The following CNTNAP2 variants were observed in gnomAD, a reference collection of about 807,000 sequenced individuals.
CNTNAP2 encodes contactin-associated protein-like 2.
In CNTNAP2, 98 loss-of-function variants were observed where a neutral mutation model predicts 155.2. The observed-to-expected ratio is 0.63, with a 90% CI of 0.54 to 0.75. The LOEUF is 0.75. CNTNAP2 is among the 30% of genes least tolerant of loss of function. The pLI is 0.00. For missense variants in CNTNAP2, 1,727 were observed against 1,688.1 expected, an observed-to-expected ratio of 1.02 and a Z score of -0.40; for synonymous variants, 651 against 631.2, an observed-to-expected ratio of 1.03 and a Z score of -0.47.
intron 1 of CNTNAP2, among the ~76,000 whole-genome samples, chr7:146,134,885 G>T (rs1315795179): frequency 6.6e-6 from 1 of 151,334 alleles, no homozygotes; most frequent in African/African-American, 2.4e-5. Flanking sequence ...TTTTTGTTGT[G>T]TCTCTGCCTG....
intron 14 of CNTNAP2, among the ~76,000 whole-genome samples, chr7:147,917,191 T>G (rs1800176109): frequency 6.6e-6 from 1 of 152,242 alleles, no homozygotes. Context: ...AAACTATTAC[T>G]TATCATTAGG....
chr7:148,380,786 A>C (rs1799039866), intron 21 of CNTNAP2, among the ~76,000 whole-genome samples: 1 of 152,324 alleles, frequency 6.6e-6, no homozygotes, highest in Non-Finnish European at 1.5e-5. Context: ...ATAAGTACTA[A>C]GCACAGTGCC....
chr7:146,228,325 A>G (rs918828099), intron 1 of CNTNAP2, among the ~76,000 whole-genome samples: 2 of 152,194 alleles, frequency 1.3e-5, no homozygotes, highest in African/African-American at 4.8e-5. Flanking sequence ...GAAACTCTCA[A>G]CAGCATAACT....
At chr7:147,746,528 C>A (rs61089905) in intron 13 of CNTNAP2, among the ~76,000 whole-genome samples, 9,269 of 152,062 alleles carry the variant, frequency 0.061, 902 homozygotes, top group African/African-American at 0.21. Flanking sequence ...CTCCCTTCTA[C>A]CCCATCACGA....
chr7:146,875,861 C>A (rs1039422425), intron 3 of CNTNAP2, among the ~76,000 whole-genome samples: 1 of 125,486 alleles, frequency 8.0e-6, no homozygotes, highest in Admixed American at 1.0e-4. Context: ...GCCTAGACAA[C>A]ATAGGGAGAC....
At chr7:147,989,318 G>A (rs1377085492) in intron 15 of CNTNAP2, among the ~76,000 whole-genome samples, 2 of 152,134 alleles carry the variant, frequency 1.3e-5, no homozygotes, top group African/African-American at 2.4e-5. Flanking sequence ...CACTAACCAT[G>A]TGCCTTTGGA....
At chr7:147,914,969 G>A (rs1017035130) in intron 14 of CNTNAP2, among the ~76,000 whole-genome samples, 1 of 152,142 alleles carries the variant, frequency 6.6e-6, no homozygotes, top group African/African-American at 2.4e-5. Context: ...CTTTATGGAG[G>A]ACCTGGCTTG....
chr7:148,295,136 T>C (rs571212733), intron 21 of CNTNAP2, among the ~76,000 whole-genome samples: 95 of 152,320 alleles, frequency 6.2e-4, no homozygotes, highest in Non-Finnish European at 1.2e-3. Context: ...ACTATAATTA[T>C]ATGTATGTAT....
intron 15 of CNTNAP2, among the ~76,000 whole-genome samples, chr7:147,981,180 A>G (rs980125857): frequency 2.0e-5 from 3 of 152,210 alleles, no homozygotes; most frequent in Non-Finnish European, 4.4e-5. Flanking sequence ...GCTTCAGGAC[A>G]AAAGATGGAA....
At chr7:147,164,614 C>T (rs192492403) in intron 8 of CNTNAP2, among the ~76,000 whole-genome samples, 33 of 152,080 alleles carry the variant, frequency 2.2e-4, no homozygotes, top group Middle Eastern at 3.4e-3. Flanking sequence ...GAATTGTAAG[C>T]GAAATTTAAG....
intron 14 of CNTNAP2, among the ~76,000 whole-genome samples, chr7:147,953,068 A>G (rs1016102309): frequency 2.0e-5 from 3 of 152,230 alleles, no homozygotes; most frequent in African/African-American, 7.2e-5. Context: ...ATTGTTTTCA[A>G]GATGAATGGT....
intron 21 of CNTNAP2, among the ~76,000 whole-genome samples, chr7:148,330,455 G>GGGATGGAGTGGAT (rs1797970316): frequency 7.3e-6 from 1 of 137,098 alleles, no homozygotes; most frequent in Non-Finnish European, 1.6e-5. Flanking sequence ...GTGGAGCAGA[G>GGGATGGAGTGGAT]GGATGGAGTG....
At chr7:146,700,248 TG>T (rs894720111) in intron 1 of CNTNAP2, among the ~76,000 whole-genome samples, 2 of 152,122 alleles carry the variant, frequency 1.3e-5, no homozygotes, top group African/African-American at 4.8e-5. Context: ...TGGTGTGCTG[TG>T]ACTCATTCTG....
Position 146,594,891 on chromosome 7 carries a change from T to C in CNTNAP2, c.98-179380T>C, listed in dbSNP as rs777170770. Among the ~76,000 whole-genome samples, 113 of 152,058 alleles carry C rather than the reference T, an allele frequency of 7.4e-4. 1 individual carries two copies. Among genetic ancestry groups the C allele is most frequent in the Non-Finnish European group, 2.8e-4 (19 of 67,974 alleles). ...ATATAAATACACCCACCATGACAGATGCCTAATTACCAACATGACAACGCT... is the reference window on the plus strand; with the variant it reads ...ATATAAATACACCCACCATGACAGACGCCTAATTACCAACATGACAACGCT... On this transcript the variant is annotated intron_variant, in intron 1 of 23. Transcript: ENST00000361727.
chr7:148,092,463 G>T (rs1803863569), intron 15 of CNTNAP2, among the ~76,000 whole-genome samples: 1 of 152,144 alleles, frequency 6.6e-6, no homozygotes, highest in Non-Finnish European at 1.5e-5. Context: ...AATGGAAGCA[G>T]GTGCCCCATT....
At chr7:146,349,873 C>G (rs1563050125) in intron 1 of CNTNAP2, among the ~76,000 whole-genome samples, 1 of 152,002 alleles carries the variant, frequency 6.6e-6, no homozygotes, top group African/African-American at 2.4e-5. Flanking sequence ...TGCAGGTAAC[C>G]CGACCTTTCT....
chr7:148,223,926 C>T (rs1362699237), intron 19 of CNTNAP2, among the ~76,000 whole-genome samples: 2 of 152,172 alleles, frequency 1.3e-5, no homozygotes, highest in African/African-American at 4.8e-5. Flanking sequence ...TGCATAATTG[C>T]CGGTTCCTCC....
chr7:146,525,562 A>C (rs1479860965), intron 1 of CNTNAP2, among the ~76,000 whole-genome samples: 6 of 147,308 alleles, frequency 4.1e-5, no homozygotes, highest in African/African-American at 1.1e-4. Context: ...CTATCTATCT[A>C]TCTATCTATC....
At chr7:146,643,523 C>G (rs1475643034) in intron 1 of CNTNAP2, among the ~76,000 whole-genome samples, 2 of 151,944 alleles carry the variant, frequency 1.3e-5, no homozygotes, top group Non-Finnish European at 2.9e-5. Context: ...ATCTATATCT[C>G]TGTTTTGGTA....
Sources: gnomAD v4.1 joint callset for allele counts (sites outside exome capture counted in the v4.1 genomes callset) on GRCh38, gnomAD v4.1.1 for gene constraint, MANE v1.5 for transcripts, NCBI Gene and HGNC (gene_info 2026-07-23, HGNC 2026-07-21) for gene names.